Variants in UROS observed in about 807,000 individuals in gnomAD.
The protein encoded by UROS is uroporphyrinogen III synthase.
UROS carries 18 observed loss-of-function variants against 33.0 expected under a neutral mutation model. The ratio of observed to expected loss-of-function variants is 0.55; its 90% CI spans 0.38 to 0.81. The LOEUF (loss-of-function observed/expected upper bound fraction) is 0.81, where lower values mean the gene tolerates loss of function less well. UROS is among the 30% of genes least tolerant of loss of function. The pLI is 0.00. For synonymous variants in UROS, 114 were observed against 121.1 expected (o/e 0.94, Z 0.38); for missense variants, 293 against 314.9 (o/e 0.93, Z 0.53).
chr10:125,794,809 A>ATAG (rs1468293261), intron 9 of UROS, 71 bp downstream of exon 9: 1 of 1,431,096 alleles, frequency 7.0e-7, no homozygotes, highest in Non-Finnish European at 9.6e-7. Context: ...TTGAAGCCCT[A>ATAG]GGATAATTCA....
intron 8 of UROS, among the ~76,000 whole-genome samples, chr10:125,795,612 C>A (rs1246407491): frequency 6.6e-6 from 1 of 152,196 alleles, no homozygotes; most frequent in Non-Finnish European, 1.5e-5. Context: ...TCAGCTCTTC[C>A]CACTATGGGC....
intron 4 of UROS, among the ~76,000 whole-genome samples, chr10:125,813,139 AC>A (rs1428046287): frequency 6.6e-6 from 1 of 152,200 alleles, no homozygotes; most frequent in African/African-American, 2.4e-5. Context: ...TAAACAAACT[AC>A]TTTCCAAGCC....
At chr10:125,821,677 C>T (rs1044141856) in intron 1 of UROS, among the ~76,000 whole-genome samples, 2 of 152,206 alleles carry the variant, frequency 1.3e-5, no homozygotes, top group African/African-American at 4.8e-5. Flanking sequence ...AAAAAATTGG[C>T]TATGGTATCT....
chr10:125,787,951 C>A (rs73379265), downstream of UROS, among the ~76,000 whole-genome samples: 8 of 152,304 alleles, frequency 5.3e-5, no homozygotes, highest in East Asian at 1.4e-3. Context: ...TAGCATGTGA[C>A]CCTGACAAAT....
intron 5 of UROS, among the ~76,000 whole-genome samples, chr10:125,811,981 G>C (rs1358431772): frequency 6.6e-6 from 1 of 152,112 alleles, no homozygotes; most frequent in African/African-American, 2.4e-5. Context: ...TAAAGCTTTT[G>C]CATACATACT....
chr10:125,791,441 T>G (rs1589917215), intron 9 of UROS: 1 of 152,106 alleles, frequency 6.6e-6, no homozygotes, highest in East Asian at 1.9e-4. Context: ...CGACCGAACG[T>G]TAAAGTTACC....
intron 1 of UROS, among the ~76,000 whole-genome samples, chr10:125,819,133 C>T (rs1350365545): frequency 2.6e-5 from 4 of 152,024 alleles, no homozygotes; most frequent in Non-Finnish European, 4.4e-5. Flanking sequence ...TACAGGCATG[C>T]GCCACCATGC....
intron 1 of UROS, among the ~76,000 whole-genome samples, chr10:125,821,805 G>GC: frequency 6.6e-6 from 1 of 152,178 alleles, no homozygotes; most frequent in Admixed American, 6.5e-5. Context: ...ACATGTTTTT[G>GC]CAGTTGTGCG....
intron 9 of UROS, among the ~76,000 whole-genome samples, chr10:125,789,807 T>C (rs1850790186): frequency 6.6e-6 from 1 of 152,166 alleles, no homozygotes; most frequent in Non-Finnish European, 1.5e-5. Flanking sequence ...CCCTGCTAGC[T>C]GTTATTAGTG....
At chr10:125,794,795 G>C in intron 9 of UROS, 85 bp downstream of exon 9, 1 of 1,321,572 alleles carries the variant, frequency 7.6e-7, no homozygotes. Flanking sequence ...TGTCTCACTT[G>C]ACATTGAAGC....
chr10:125,810,231 C>G (rs920445700), intron 5 of UROS, among the ~76,000 whole-genome samples: 1 of 152,140 alleles, frequency 6.6e-6, no homozygotes, highest in Admixed American at 6.5e-5. Flanking sequence ...AAAGAAATGG[C>G]AGAAGAAATG....
At chr10:125,789,127 G>C (rs1053609838) in intron 9 of UROS, 122 bp from the exon 10 acceptor site, 11 of 1,447,744 alleles carry the variant, frequency 7.6e-6, no homozygotes, top group Non-Finnish European at 1.0e-5. Flanking sequence ...CTCATGTGAC[G>C]TGTTTATAAA....
chr10:125,798,528 T>TG (rs1455733065), intron 6 of UROS, among the ~76,000 whole-genome samples: 13 of 152,228 alleles, frequency 8.5e-5, no homozygotes, highest in Non-Finnish European at 1.3e-4. Flanking sequence ...TGACTGGCAC[T>TG]GGGGCAAACA....
At position 125,816,053 on chromosome 10, in the gene UROS, T is replaced by C. The variant is rs926947556; in HGVS notation, c.147+124A>G. 2.9e-6 allele frequency: 3 copies of C among 1,025,152 alleles called. No homozygotes were observed. The African/African-American group carries it at 4.8e-5, about 16-fold the overall frequency. 63.5% of individuals were successfully genotyped at this position (1,025,152 alleles called of 1,614,324 possible). On this transcript the variant is annotated intron_variant, in intron 3 of 9. Transcript: ENST00000368797. ...AGCAGCCTCCTGGAGCCAGGTGAAGTTATGCTGCCATGTTTTAAAGTTTGG... is the reference window on the plus strand; with the variant it reads ...AGCAGCCTCCTGGAGCCAGGTGAAGCTATGCTGCCATGTTTTAAAGTTTGG...
chr10:125,807,291 G>A (rs1342538171), intron 6 of UROS, 122 bp downstream of exon 6: 14 of 864,072 alleles, frequency 1.6e-5, no homozygotes, highest in South Asian at 7.1e-5. Context: ...TGGGTTATAC[G>A]ATGCTCACCA....
At chr10:125,821,107 A>G (rs1039233296) in intron 1 of UROS, among the ~76,000 whole-genome samples, 3 of 152,250 alleles carry the variant, frequency 2.0e-5, no homozygotes, top group African/African-American at 7.2e-5. Flanking sequence ...ACATAGAATT[A>G]CCATATGATC....
intron 6 of UROS, chr10:125,802,476 TC>T (rs1407898343): frequency 1.0e-6 from 1 of 987,434 alleles, no homozygotes; most frequent in East Asian, 1.1e-4. Flanking sequence ...CCTTTTCCTT[TC>T]AGTTGCTTAG....
chr10:125,816,076 T>C, intron 3 of UROS, 101 bp downstream of exon 3: 1 of 1,201,954 alleles, frequency 8.3e-7, no homozygotes, highest in Non-Finnish European at 1.2e-6. Context: ...TTTTAAAGTT[T>C]GGGAATAAAA....
At chr10:125,805,052 C>T (rs1383099396) in intron 6 of UROS, among the ~76,000 whole-genome samples, 1 of 152,210 alleles carries the variant, frequency 6.6e-6, no homozygotes, top group African/African-American at 2.4e-5. Context: ...GCAAGAGAGG[C>T]GTCAGTCAAT....
Sources: gnomAD v4.1 joint callset for allele counts (sites outside exome capture counted in the v4.1 genomes callset) on GRCh38, gnomAD v4.1.1 for gene constraint, MANE v1.5 for transcripts, NCBI Gene and HGNC (gene_info 2026-07-23, HGNC 2026-07-21) for gene names.